The following ASTN2 variants were observed in gnomAD, a reference collection of about 807,000 sequenced individuals.
ASTN2 encodes the protein astrotactin-2.
Under a neutral mutation model 139.8 loss-of-function variants are expected in ASTN2, and 54 were observed. The observed-to-expected ratio is 0.39, with a 90% CI of 0.31 to 0.48. The LOEUF is 0.48. ASTN2 is among the 20% of genes least tolerant of loss of function. ASTN2 has a pLI of 0.95. For synonymous variants in ASTN2, 756 were observed against 719.5 expected (o/e 1.05, Z -0.81); for missense variants, 1,565 against 1,725.1 (o/e 0.91, Z 1.64).
At chr9:117,101,932 A>G (rs1828988523) in intron 4 of ASTN2, among the ~76,000 whole-genome samples, 1 of 152,172 alleles carries the variant, frequency 6.6e-6, no homozygotes, top group African/African-American at 2.4e-5. Context: ...TTGCTGCTGG[A>G]TATGCAAAAT....
chr9:117,339,994 A>G (rs1347008208), intron 1 of ASTN2, among the ~76,000 whole-genome samples: 2 of 151,908 alleles, frequency 1.3e-5, no homozygotes, highest in African/African-American at 2.4e-5. Context: ...AGGAAAAGGC[A>G]TGGCCCAGAG....
At chr9:116,865,422 T>C (rs1350621454) in intron 10 of ASTN2, among the ~76,000 whole-genome samples, 1 of 28,566 alleles carries the variant, frequency 3.5e-5, no homozygotes, top group African/African-American at 1.6e-4. Context: ...AAACACTGTC[T>C]CAAAAAAAAA....
chr9:116,505,164 T>C (rs917479100), intron 19 of ASTN2, among the ~76,000 whole-genome samples: 2 of 151,750 alleles, frequency 1.3e-5, no homozygotes, highest in Non-Finnish European at 2.9e-5. Context: ...CTACTTTGCA[T>C]ATGGGGCATC....
At chr9:116,484,873 A>G (rs977043333) in intron 20 of ASTN2, among the ~76,000 whole-genome samples, 1 of 152,200 alleles carries the variant, frequency 6.6e-6, no homozygotes, top group Non-Finnish European at 1.5e-5. Context: ...CTGATTTGTC[A>G]GCTCTCAGTG....
intron 17 of ASTN2, among the ~76,000 whole-genome samples, chr9:116,622,772 C>T (rs1458166936): frequency 6.6e-6 from 1 of 152,226 alleles, no homozygotes; most frequent in South Asian, 2.1e-4. Context: ...ATTTCATAAA[C>T]TATTTGCATA....
chr9:116,958,359 G>C (rs2132498372), intron 10 of ASTN2, among the ~76,000 whole-genome samples: 1 of 152,236 alleles, frequency 6.6e-6, no homozygotes, highest in Non-Finnish European at 1.5e-5. Context: ...GAGAGGCCGA[G>C]GTGGGCAGAT....
At chr9:116,936,304 C>T (rs1835084038) in intron 10 of ASTN2, among the ~76,000 whole-genome samples, 1 of 145,978 alleles carries the variant, frequency 6.9e-6, no homozygotes, top group Admixed American at 6.8e-5. Context: ...CCACCACCAA[C>T]ATTCCAACCA....
At chr9:116,557,575 T>G (rs554088054) in intron 19 of ASTN2, 3 of 152,332 alleles carry the variant, frequency 2.0e-5, no homozygotes, top group African/African-American at 7.2e-5. Context: ...GGCCACGAGT[T>G]TCTTTATGTG....
chr9:116,966,421 G>C (rs931537104), intron 10 of ASTN2, among the ~76,000 whole-genome samples: 1 of 152,156 alleles, frequency 6.6e-6, no homozygotes, highest in Admixed American at 6.5e-5. Context: ...TGAGCTGACA[G>C]TTGGTGCATG....
intron 16 of ASTN2, among the ~76,000 whole-genome samples, chr9:116,716,213 T>G (rs1405999609): frequency 2.0e-5 from 3 of 152,160 alleles, no homozygotes; most frequent in African/African-American, 4.8e-5. Flanking sequence ...TTTACAACAG[T>G]ATCAATCTCT....
chr9:116,532,127 C>G (rs1302172976), intron 19 of ASTN2, among the ~76,000 whole-genome samples: 1 of 152,230 alleles, frequency 6.6e-6, no homozygotes, highest in Non-Finnish European at 1.5e-5. Context: ...TGATGATGAG[C>G]ATTTTTGCAT....
intron 19 of ASTN2, among the ~76,000 whole-genome samples, chr9:116,550,074 C>A (rs556940588): frequency 6.6e-6 from 1 of 152,300 alleles, no homozygotes; most frequent in African/African-American, 2.4e-5. Context: ...ATGGCTTTCT[C>A]TTATCACTAC....
intron 10 of ASTN2, among the ~76,000 whole-genome samples, chr9:116,904,883 C>G (rs924779400): frequency 6.6e-6 from 1 of 152,142 alleles, no homozygotes; most frequent in Admixed American, 6.5e-5. Flanking sequence ...TTGGTGGTAA[C>G]GTTACAGCTC....
At chr9:117,023,543 T>C (rs1414199970) in intron 6 of ASTN2, among the ~76,000 whole-genome samples, 1 of 152,180 alleles carries the variant, frequency 6.6e-6, no homozygotes, top group Admixed American at 6.6e-5. Flanking sequence ...CTGTTGCCAA[T>C]GCTTACTTAC....
chr9:116,485,443 T>C (rs1387027762), intron 20 of ASTN2, among the ~76,000 whole-genome samples: 1 of 152,220 alleles, frequency 6.6e-6, no homozygotes, highest in Non-Finnish European at 1.5e-5. Context: ...AATTATAGTT[T>C]TCAGAGTTAG....
intron 17 of ASTN2, among the ~76,000 whole-genome samples, chr9:116,647,836 A>T (rs917955668): frequency 6.6e-6 from 1 of 152,238 alleles, no homozygotes; most frequent in South Asian, 2.1e-4. Context: ...TTTTGGAGAC[A>T]GTGTCTCATT....
chr9:117,375,856 A>G (rs1445374250), intron 1 of ASTN2, among the ~76,000 whole-genome samples: 2 of 152,130 alleles, frequency 1.3e-5, no homozygotes, highest in Admixed American at 1.3e-4. Context: ...TCTTGGGGAT[A>G]GCCCCTTTCC....
chr9:117,014,174 A>G (rs1273869514), intron 6 of ASTN2, among the ~76,000 whole-genome samples: 1 of 152,130 alleles, frequency 6.6e-6, no homozygotes, highest in African/African-American at 2.4e-5. Flanking sequence ...ATGAAGCAGG[A>G]ATGAAGATCA....
At chr9:116,494,975 T>C (rs151013087) in intron 19 of ASTN2, among the ~76,000 whole-genome samples, 3 of 152,178 alleles carry the variant, frequency 2.0e-5, no homozygotes, top group African/African-American at 7.2e-5. Flanking sequence ...ACTTCAGTGG[T>C]TGAAGCCTGG....
Sources: gnomAD v4.1 joint callset for allele counts (sites outside exome capture counted in the v4.1 genomes callset) on GRCh38, gnomAD v4.1.1 for gene constraint, MANE v1.5 for transcripts, NCBI Gene and HGNC (gene_info 2026-07-23, HGNC 2026-07-21) for gene names.